Variants in PLBD1 observed in about 807,000 individuals in gnomAD.
The protein encoded by PLBD1 is phospholipase B domain containing 1, also known as lysosomal leucine aminopeptidase.
PLBD1 carries 60 observed loss-of-function variants against 63.0 expected under a neutral mutation model. The observed-to-expected ratio is 0.95, with a 90% CI of 0.77 to 1.18. The LOEUF is 1.18. Among genes scored for constraint, PLBD1 ranks in the 50% most tolerant of loss-of-function variants. The pLI is 0.00. For missense variants in PLBD1, 598 were observed against 677.9 expected (o/e 0.88, Z 1.31); for synonymous variants, 262 against 248.0 (o/e 1.06, Z -0.53).
chr12:14,565,875 C>T (rs1001195730), intron 1 of PLBD1, among the ~76,000 whole-genome samples: 3 of 152,210 alleles, frequency 2.0e-5, no homozygotes, highest in African/African-American at 7.2e-5. Flanking sequence ...AGGATCACTT[C>T]ATCTCAGAAA....
chr12:14,541,992 T>A (rs1945576134), intron 3 of PLBD1, among the ~76,000 whole-genome samples: 3 of 152,182 alleles, frequency 2.0e-5, no homozygotes, highest in Admixed American at 2.0e-4. Context: ...TATGCGATAT[T>A]CAACTCAACC....
chr12:14,537,827 T>C (rs1945531898), intron 4 of PLBD1, among the ~76,000 whole-genome samples: 1 of 152,200 alleles, frequency 6.6e-6, no homozygotes, highest in South Asian at 2.1e-4. Context: ...GAATAAATTA[T>C]TCATTTATTA....
In PLBD1 at chr12:14,548,231, C is replaced by T. The variant is rs186777840; in HGVS notation, c.335+4962G>A. ...CAGCATTTTGGGAGGCTGAGGCAGA[C>T]GGATCGCCTGAGGTCAGGAGTTCGA... On this transcript the variant is annotated intron_variant, in intron 2 of 10. Transcript: ENST00000240617. Among the ~76,000 whole-genome samples the T allele has an allele frequency of 2.4e-3, 361 of 151,850 alleles. 2 individuals are homozygous for T. The highest frequency in any genetic ancestry group is 8.3e-3 in the African/African-American group (345 of 41,430).
At chr12:14,505,071 T>TG (rs1489805949) in intron 10 of PLBD1, among the ~76,000 whole-genome samples, 6 of 151,746 alleles carry the variant, frequency 4.0e-5, no homozygotes, top group African/African-American at 1.5e-4. Context: ...AAACATTCAT[T>TG]GGGGTTTCAT....
intron 4 of PLBD1, among the ~76,000 whole-genome samples, chr12:14,537,270 T>C (rs1487631072): frequency 2.0e-5 from 3 of 152,076 alleles, no homozygotes; most frequent in Non-Finnish European, 4.4e-5. Context: ...AAACAGAGCT[T>C]TCTGTTTGCA....
chr12:14,540,658 G>A (rs1945564608), intron 4 of PLBD1, 106 bp downstream of exon 4: 1 of 1,187,064 alleles, frequency 8.4e-7, no homozygotes, highest in Non-Finnish European at 1.1e-6. Context: ...AATTTATACT[G>A]TAGTTCTACT....
chr12:14,536,537 C>A, intron 5 of PLBD1, 33 bp downstream of exon 5: 1 of 1,608,924 alleles, frequency 6.2e-7, no homozygotes, highest in South Asian at 1.1e-5. Flanking sequence ...CTGTATGAAC[C>A]AGAACAAGGC....
intron 1 of PLBD1, among the ~76,000 whole-genome samples, chr12:14,558,328 C>A (rs910796339): frequency 6.6e-6 from 1 of 152,014 alleles, no homozygotes; most frequent in Admixed American, 6.6e-5. Flanking sequence ...CAATAAACTG[C>A]GGGTGACAAA....
intron 6 of PLBD1, among the ~76,000 whole-genome samples, chr12:14,532,761 G>C (rs1592000955): frequency 6.6e-6 from 1 of 152,214 alleles, no homozygotes; most frequent in African/African-American, 2.4e-5. Context: ...ACCTTGGTCA[G>C]TCTTGGGCAC....
intron 2 of PLBD1, among the ~76,000 whole-genome samples, chr12:14,548,194 C>T (rs576299295): frequency 2.4e-4 from 37 of 152,024 alleles, no homozygotes; most frequent in African/African-American, 8.2e-4. Context: ...CGGTGGCTCA[C>T]GCCTGTAATC....
At chr12:14,535,603 G>A (rs1208375753) in intron 6 of PLBD1, 56 bp downstream of exon 6, 6 of 1,573,252 alleles carry the variant, frequency 3.8e-6, no homozygotes, top group South Asian at 2.2e-5. Flanking sequence ...GAATCACTAA[G>A]GTTTTATCCA....
At chr12:14,534,547 T>TCTTTTC (rs533279496) in intron 6 of PLBD1, among the ~76,000 whole-genome samples, 7 of 139,642 alleles carry the variant, frequency 5.0e-5, no homozygotes, top group East Asian at 4.4e-4. Context: ...TCTTTTCTTT[T>TCTTTTC]TTTTTTTTTT....
chr12:14,514,936 A>G (rs544606008), intron 6 of PLBD1, among the ~76,000 whole-genome samples: 1 of 152,286 alleles, frequency 6.6e-6, no homozygotes, highest in East Asian at 1.9e-4. Context: ...AGATCAGGAG[A>G]AAATGAAACA....
intron 2 of PLBD1, among the ~76,000 whole-genome samples, chr12:14,544,017 A>G (rs1314405603): frequency 6.6e-6 from 1 of 152,254 alleles, no homozygotes; most frequent in Non-Finnish European, 1.5e-5. Flanking sequence ...ATCTTCTGAC[A>G]CTATTGCTGA....
At chr12:14,550,608 G>A (rs1342056152) in intron 2 of PLBD1, among the ~76,000 whole-genome samples, 2 of 152,070 alleles carry the variant, frequency 1.3e-5, no homozygotes, top group East Asian at 1.9e-4. Context: ...GGCTGGGTGC[G>A]GTGGCTCACG....
At chr12:14,565,326 C>T (rs914514480) in intron 1 of PLBD1, among the ~76,000 whole-genome samples, 2 of 151,780 alleles carry the variant, frequency 1.3e-5, no homozygotes, top group East Asian at 1.9e-4. Flanking sequence ...ATTAGCTGGG[C>T]GTGGTGGTGT....
At chr12:14,517,309 C>T (rs1186344841) in intron 6 of PLBD1, among the ~76,000 whole-genome samples, 4 of 152,020 alleles carry the variant, frequency 2.6e-5, no homozygotes, top group African/African-American at 9.7e-5. Flanking sequence ...CCACACCTGG[C>T]TAAATTTTTT....
At chr12:14,542,140 G>A in intron 3 of PLBD1, 68 bp downstream of exon 3, 1 of 1,360,556 alleles carries the variant, frequency 7.3e-7, no homozygotes, top group Admixed American at 1.8e-5. Context: ...AAAAATTGCT[G>A]CTTGAAATTA....
chr12:14,564,925 C>G (rs974204785), intron 1 of PLBD1, among the ~76,000 whole-genome samples: 3 of 152,114 alleles, frequency 2.0e-5, no homozygotes, highest in African/African-American at 7.2e-5. Flanking sequence ...TTTTTCAGAA[C>G]CAGATAAAGG....
Sources: allele counts gnomAD v4.1 joint callset (sites outside exome capture counted in the v4.1 genomes callset), GRCh38; gene constraint gnomAD v4.1.1; transcripts MANE v1.5; gene names NCBI Gene and HGNC (gene_info 2026-07-23, HGNC 2026-07-21).